Variants in UMPS observed in about 807,000 individuals in gnomAD.
UMPS encodes uridine monophosphate synthetase.
UMPS carries 21 observed loss-of-function variants against 38.9 expected under a neutral mutation model. That is an observed-to-expected ratio of 0.54 (90% CI 0.38 to 0.78). UMPS has a LOEUF of 0.78. UMPS is among the 30% of genes least tolerant of loss of function. The pLI is 0.00. For synonymous variants in UMPS, 208 were observed against 219.3 expected (o/e 0.95, Z 0.45); for missense variants, 533 against 591.6 (o/e 0.90, Z 1.03).
At position 124,748,017 on chromosome 3, in the gene UMPS, T is replaced by C. The variant is rs1355829018; in HGVS notation, c.*3933T>C. On this transcript the variant is annotated 3_prime_UTR_variant, in exon 6 of 6. Transcript: ENST00000232607. ...ATTCCTTTTTGAAGGAATCTGATACTAAACACAAAGCATGAGAAAAATCAG... is the reference window on the plus strand; with the variant it reads ...ATTCCTTTTTGAAGGAATCTGATACCAAACACAAAGCATGAGAAAAATCAG... 1 of 450,468 alleles carries C rather than the reference T, an allele frequency of 2.2e-6. No individual in the cohort carries two copies. Among genetic ancestry groups the C allele is most frequent in the Non-Finnish European group, 4.4e-6 (1 of 224,934 alleles). 27.9% of individuals were successfully genotyped at this position (450,468 alleles called of 1,614,324 possible).
rs2063588123 is a variant in UMPS, at chr3:124,745,324, G to T, written c.*1240G>T. 6.6e-6 allele frequency: 3 copies of T among 453,654 alleles called. No homozygotes were observed. The highest frequency in any genetic ancestry group is 3.1e-5 in the South Asian group (2 of 64,476). The allele number at this position is 453,654 out of a possible 1,614,324, so 28.1% of individuals were successfully genotyped here. A position where few individuals can be genotyped will look rare whatever the true frequency, so the allele number is the denominator to read the frequency against. On this transcript the variant is annotated 3_prime_UTR_variant, in exon 6 of 6. Transcript: ENST00000232607. ...ATCAGCCATTTCCCCACCCTTGTCA[G>T]CTGATGGCCCACTGTTCTTTAATGA...
chr3:124,733,644 C>T lies in UMPS; in HGVS notation c.157-1449C>T, dbSNP rs190480754. On this transcript the variant is annotated intron_variant, in intron 1 of 5. Coordinates refer to ENST00000232607, the MANE Select transcript of UMPS (RefSeq NM_000373.4). ...GCTGCGGCCTCTACTATGTTTTGCA[C>T]GACGAGCTTCTTAATGGTCTTTTCC... 256 of 173,538 alleles carry T rather than the reference C, an allele frequency of 1.5e-3. 2 individuals are homozygous for T. The highest frequency in any genetic ancestry group is 5.8e-3 in the African/African-American group (247 of 42,596). 10.7% of individuals were successfully genotyped at this position (173,538 alleles called of 1,614,324 possible).
In UMPS at chr3:124,745,609, T is replaced by C. The variant is rs1160915523; in HGVS notation, c.*1525T>C. 4.4e-6 allele frequency: 2 copies of C among 454,002 alleles called. No homozygotes were observed. The highest frequency in any genetic ancestry group is 8.8e-6 in the Non-Finnish European group (2 of 226,806). 28.1% of individuals were successfully genotyped at this position (454,002 alleles called of 1,614,324 possible). A position where few individuals can be genotyped will look rare whatever the true frequency, so the allele number is the denominator to read the frequency against. Reference sequence around the variant, plus strand: ...AATTTGGGCTTCATGTCCCCAGTGCTGCATCTCCAGGGAAATGCTGTCTGT... The same window carrying C: ...AATTTGGGCTTCATGTCCCCAGTGCCGCATCTCCAGGGAAATGCTGTCTGT... On this transcript the variant is annotated 3_prime_UTR_variant, in exon 6 of 6. Coordinates refer to ENST00000232607, the MANE Select transcript of UMPS (RefSeq NM_000373.4).
At chr3:124,736,281 G>A (rs1359401530) in intron 2 of UMPS, among the ~76,000 whole-genome samples, 2 of 151,964 alleles carry the variant, frequency 1.3e-5, no homozygotes, top group African/African-American at 4.8e-5. Context: ...AATAAAACCT[G>A]AAAAGCAATC....
At position 124,746,031 on chromosome 3, in the gene UMPS, A is replaced by G. The variant is rs917097475; in HGVS notation, c.*1947A>G. On this transcript the variant is annotated 3_prime_UTR_variant, in exon 6 of 6. Transcript: ENST00000232607. ...TGATGCTGCGGTTGCCTGCGCAGGG[A>G]CTGGACTTTGAGAACCACTTCACTG... 1 of 453,950 alleles carries G rather than the reference A, an allele frequency of 2.2e-6. No homozygotes were observed. The highest frequency in any genetic ancestry group is 2.0e-5 in the African/African-American group (1 of 49,986). 28.1% of individuals were successfully genotyped at this position (453,950 alleles called of 1,614,324 possible).
At position 124,749,131 on chromosome 3, in the gene UMPS, C is replaced by G. The variant is rs1175188146; in HGVS notation, c.*5047C>G. Reference sequence around the variant, plus strand: ...ATTGTATTTAACAAGACATGCTGTCCTTGTTTACCTGGAACCTAGCAATGT... The same window carrying G: ...ATTGTATTTAACAAGACATGCTGTCGTTGTTTACCTGGAACCTAGCAATGT... On this transcript the variant is annotated 3_prime_UTR_variant, in exon 6 of 6. Transcript: ENST00000232607. 1 of 453,890 alleles carries G rather than the reference C, an allele frequency of 2.2e-6. No individual in the cohort carries two copies. The highest frequency in any genetic ancestry group is 2.0e-5 in the African/African-American group (1 of 49,944). The allele number at this position is 453,890 out of a possible 1,614,324, so 28.1% of individuals were successfully genotyped here.
chr3:124,748,686 G>A lies in UMPS; in HGVS notation c.*4602G>A. 2.2e-6 allele frequency: 1 copy of A among 453,500 alleles called. No homozygotes were observed. Among genetic ancestry groups the A allele is most frequent in the Non-Finnish European group, 4.4e-6 (1 of 226,544 alleles). 28.1% of individuals were successfully genotyped at this position (453,500 alleles called of 1,614,324 possible). The stretch of plus-strand genomic sequence containing the variant: ...AGGGTGGGGAACTGTCAGCAGAGGA[G>A]GTCTGTGTCATGTTTTTCAGCGCTG... On this transcript the variant is annotated 3_prime_UTR_variant, in exon 6 of 6. Coordinates refer to ENST00000232607, the MANE Select transcript of UMPS (RefSeq NM_000373.4).
rs1266385466 is a variant in UMPS, at chr3:124,735,020, C to CA, written c.157-67dup. 1.6e-5 allele frequency: 23 copies of CA among 1,403,798 alleles called. No homozygotes were observed. In the African/African-American group the frequency reaches 3.2e-4, roughly 20 times the overall value. 87.0% of individuals were successfully genotyped at this position (1,403,798 alleles called of 1,614,324 possible). A position where few individuals can be genotyped will look rare whatever the true frequency, so the allele number is the denominator to read the frequency against. On this transcript the variant is annotated intron_variant, in intron 1 of 5. Coordinates refer to ENST00000232607, the MANE Select transcript of UMPS (RefSeq NM_000373.4). ...TGGGCAACAGGGCGAGACTCCATCT[C>CA]AAAAAATAAAAAATATAAAATAAAA... is the stretch of plus-strand genomic sequence containing the variant.
chr3:124,740,625 C>G (rs1438275564), intron 4 of UMPS, among the ~76,000 whole-genome samples: 2 of 152,122 alleles, frequency 1.3e-5, no homozygotes, highest in Non-Finnish European at 2.9e-5. Context: ...TTCTCTTATT[C>G]TTGTCAGATA....
intron 3 of UMPS, 110 bp from the exon 4 acceptor site, chr3:124,739,914 C>A (rs974297155): frequency 2.4e-5 from 25 of 1,058,710 alleles, no homozygotes; most frequent in Non-Finnish European, 3.6e-5. Context: ...TTGATTCTCT[C>A]ATTAACATGT....
At chr3:124,731,975 T>C (rs1219794524) in intron 1 of UMPS, among the ~76,000 whole-genome samples, 2 of 152,120 alleles carry the variant, frequency 1.3e-5, no homozygotes, top group Admixed American at 6.6e-5. Flanking sequence ...AAAATTTTTT[T>C]TTTTTGTAGA....
chr3:124,734,989 C>G, intron 1 of UMPS, 104 bp from the exon 2 acceptor site: 1 of 1,123,864 alleles, frequency 8.9e-7, no homozygotes, highest in Non-Finnish European at 1.2e-6. Context: ...CCACTGCATT[C>G]CAGCCTGGGC....
intron 5 of UMPS, among the ~76,000 whole-genome samples, chr3:124,743,542 G>A (rs1409470600): frequency 1.3e-5 from 2 of 151,854 alleles, no homozygotes; most frequent in Non-Finnish European, 2.9e-5. Context: ...GGAGGCTGAG[G>A]CAGGAGAATG....
chr3:124,738,341 G>A (rs1051025420), intron 3 of UMPS, 102 bp downstream of exon 3: 16 of 1,311,562 alleles, frequency 1.2e-5, no homozygotes, highest in Non-Finnish European at 1.6e-5. Context: ...CATAGAGCAG[G>A]CTGTCAAGCG....
In UMPS at chr3:124,741,924, A is replaced by C. The variant is rs622505; in HGVS notation, c.1159-228A>C. ...ATACAGCAAAGTTTCTAACTAGATA[A>C]TAGAGCATAAGCCAGGCATGGTGAC... On this transcript the variant is annotated intron_variant, in intron 4 of 5. Coordinates refer to ENST00000232607, the MANE Select transcript of UMPS (RefSeq NM_000373.4). Among the ~76,000 whole-genome samples, 1,181 of 152,218 alleles carry C rather than the reference A, an allele frequency of 7.8e-3. 16 individuals are homozygous for C. The highest frequency in any genetic ancestry group is 0.027 in the African/African-American group (1,115 of 41,518).
rs2063591731 is a variant in UMPS, at chr3:124,745,726, G to A, written c.*1642G>A. On this transcript the variant is annotated 3_prime_UTR_variant, in exon 6 of 6. Transcript: ENST00000232607. ...CTACTCTGGGGAAGCCAAAAGTCAT[G>A]AAGGGGAGAAGAATTTTCTGACAAA... 2.2e-6 allele frequency: 1 copy of A among 453,992 alleles called. No homozygotes were observed. Among genetic ancestry groups the A allele is most frequent in the African/African-American group, 2.0e-5 (1 of 50,004 alleles). 28.1% of individuals were successfully genotyped at this position (453,992 alleles called of 1,614,324 possible).
chr3:124,732,743 G>A (rs2063488958), intron 1 of UMPS, among the ~76,000 whole-genome samples: 1 of 152,184 alleles, frequency 6.6e-6, no homozygotes, highest in South Asian at 2.1e-4. Context: ...AAGGGTTTAT[G>A]TTCACTAGGG....
rs746164974 is a variant in UMPS at position 124,730,513 on chromosome 3, T to C, written c.42T>C (p.Gly14=). Residue 14 remains glycine (G), a synonymous_variant, in exon 1 of 6, where the codon GGT becomes GGC. Transcript: ENST00000232607. ...CAGCTTTGGGGCCATTGGTGACGGG[T>C]CTGTACGACGTGCAGGCTTTCAAGT... The part of the protein sequence containing the change: ...ARAALGPLVT[G]LYDVQAFKFG... 7 of 1,614,002 alleles carry C rather than the reference T, an allele frequency of 4.3e-6. No homozygotes were observed. The Admixed American group carries it at 1.0e-4, about 23-fold the overall frequency.
At chr3:124,740,335 T>A in intron 4 of UMPS, 136 bp downstream of exon 4, 2 of 794,948 alleles carry the variant, frequency 2.5e-6, no homozygotes, top group Non-Finnish European at 4.0e-6. Flanking sequence ...GACAGTATAT[T>A]AATACTAGTT....
Sources: gnomAD v4.1 joint callset for allele counts (sites outside exome capture counted in the v4.1 genomes callset) on GRCh38, gnomAD v4.1.1 for gene constraint, MANE v1.5 for transcripts, NCBI Gene and HGNC (gene_info 2026-07-23, HGNC 2026-07-21) for gene names.